MCF2L2: variants seen among roughly 807,000 people sequenced by gnomAD.
MCF2L2 encodes probable guanine nucleotide exchange factor MCF2L2.
MCF2L2 carries 102 observed loss-of-function variants against 150.2 expected under a neutral mutation model. The ratio of observed to expected loss-of-function variants is 0.68; its 90% CI spans 0.58 to 0.80. The LOEUF (loss-of-function observed/expected upper bound fraction) is 0.80. Among genes scored for constraint, MCF2L2 ranks in the 30% least tolerant of loss-of-function variants. MCF2L2 has a pLI of 0.00. For synonymous variants in MCF2L2, 465 were observed against 491.3 expected, an observed-to-expected ratio of 0.95 and a Z score of 0.71; for missense variants, 1,256 against 1,372.8, an observed-to-expected ratio of 0.91 and a Z score of 1.34.
chr3:183,398,670 C>T (rs1012552040), intron 1 of MCF2L2, among the ~76,000 whole-genome samples: 4 of 152,104 alleles, frequency 2.6e-5, no homozygotes, highest in Admixed American at 6.5e-5. Flanking sequence ...TCTTTATTAA[C>T]GCATATTCCA....
intron 2 of MCF2L2, among the ~76,000 whole-genome samples, chr3:183,386,042 C>G (rs953928084): frequency 6.6e-6 from 1 of 152,174 alleles, no homozygotes; most frequent in African/African-American, 2.4e-5. Flanking sequence ...GATCCAATAC[C>G]AAGAGTTTCT....
intron 15 of MCF2L2, among the ~76,000 whole-genome samples, chr3:183,260,409 C>T (rs944284677): frequency 1.3e-5 from 2 of 152,124 alleles, no homozygotes; most frequent in Non-Finnish European, 2.9e-5. Flanking sequence ...CGTGTCAGCC[C>T]AAACAAGTGT....
chr3:183,243,751 A>G lies in MCF2L2; in HGVS notation c.1863-12734T>C, dbSNP rs562466144. On this transcript the variant is annotated intron_variant, in intron 15 of 29. Transcript: ENST00000328913. ...ATTTCTTTTGCATAAGTGTTTGAAC[A>G]GTTCGTGCCAAGGACTATCAGTGTT... Among the ~76,000 whole-genome samples, 10 of 152,334 alleles carry G rather than the reference A, an allele frequency of 6.6e-5. No homozygotes were observed. In the South Asian group the frequency reaches 2.1e-3, roughly 32 times the overall value.
intron 3 of MCF2L2, among the ~76,000 whole-genome samples, chr3:183,349,905 T>C (rs1398631716): frequency 6.6e-6 from 1 of 152,074 alleles, no homozygotes; most frequent in African/African-American, 2.4e-5. Context: ...CACGTAATCA[T>C]TGAAGGAAGT....
At chr3:183,223,323 A>C in intron 20 of MCF2L2, 23 bp downstream of exon 20, 1 of 1,581,244 alleles carries the variant, frequency 6.3e-7, no homozygotes, top group Non-Finnish European at 8.7e-7. Context: ...CACCAAGGAA[A>C]AGCACTGTCT....
rs765523814 is a variant in MCF2L2, at chr3:183,193,357, C to CTTTTT, written c.2919-266_2919-262dup. Among the ~76,000 whole-genome samples the CTTTTT allele has an allele frequency of 8.6e-5, 12 of 139,496 alleles. 1 individual carries two copies. Among genetic ancestry groups the CTTTTT allele is most frequent in the South Asian group, 4.4e-4 (2 of 4,520 alleles). The allele number at this position is 139,496 out of a possible 152,430, so 91.5% of individuals were successfully genotyped here. On this transcript the variant is annotated intron_variant, in intron 26 of 29. Transcript: ENST00000328913. ...TGCAAATCTTTTTTTCTTTTTCTTT[C>CTTTTT]TTTTTTTTTTTGAGACAGAGTCTCG...
intron 15 of MCF2L2, among the ~76,000 whole-genome samples, chr3:183,252,460 C>T (rs920984886): frequency 1.3e-5 from 2 of 152,182 alleles, no homozygotes; most frequent in Admixed American, 1.3e-4. Flanking sequence ...TTAAGGAAAG[C>T]AATTTAAAAA....
intron 18 of MCF2L2, chr3:183,224,402 G>A (rs1723269833): frequency 2.0e-6 from 1 of 506,532 alleles, no homozygotes. Context: ...ACATAGATAG[G>A]CACAGAGTGC....
Position 183,327,464 on chromosome 3 carries a change from A to G in MCF2L2, c.487-4113T>C, listed in dbSNP as rs886720981. 5.3e-5 allele frequency among the ~76,000 whole-genome samples: 8 copies of G among 152,356 alleles called. No homozygotes were observed. The East Asian group carries it at 1.5e-3, about 29-fold the overall frequency. Reference sequence around the variant, plus strand: ...GACGGCAAAAACTACAACCTGGCACACAGGCCATTGCAACATTCAACTGCC... The same window carrying G: ...GACGGCAAAAACTACAACCTGGCACGCAGGCCATTGCAACATTCAACTGCC... On this transcript the variant is annotated intron_variant, in intron 5 of 29. Transcript: ENST00000328913.
intron 14 of MCF2L2, chr3:183,287,710 G>A (rs1441106458): frequency 4.6e-5 from 7 of 152,282 alleles, no homozygotes; most frequent in East Asian, 3.9e-4. Flanking sequence ...CGGTGGCTAC[G>A]TCCTAATCTG....
intron 7 of MCF2L2, among the ~76,000 whole-genome samples, chr3:183,314,290 G>T (rs1469476574): frequency 6.6e-6 from 1 of 152,134 alleles, no homozygotes; most frequent in Non-Finnish European, 1.5e-5. Flanking sequence ...TGTTTCTGGG[G>T]AAGAGCCTTC....
intron 25 of MCF2L2, among the ~76,000 whole-genome samples, chr3:183,196,308 T>C (rs1722081556): frequency 2.0e-5 from 3 of 152,154 alleles, no homozygotes; most frequent in Non-Finnish European, 4.4e-5. Flanking sequence ...AAGGTCACTG[T>C]ATTCTTTGGC....
Position 183,362,010 on chromosome 3 carries a change from C to T in MCF2L2, c.275+17287G>A, listed in dbSNP as rs573294981. On this transcript the variant is annotated intron_variant, in intron 3 of 29. Coordinates refer to ENST00000328913, the MANE Select transcript of MCF2L2 (RefSeq NM_015078.4). The stretch of plus-strand genomic sequence containing the variant: ...ATATGTATGTGAAATATAAGTCAAT[C>T]GTGTGCTTAGACTTGGGTCCCATCC... Among the ~76,000 whole-genome samples the T allele has an allele frequency of 1.4e-4, 22 of 152,252 alleles. No homozygotes were observed. In the South Asian group the frequency reaches 4.4e-3, roughly 30 times the overall value.
chr3:183,392,834 G>A (rs1318838205), intron 1 of MCF2L2, among the ~76,000 whole-genome samples: 1 of 152,172 alleles, frequency 6.6e-6, no homozygotes, highest in East Asian at 1.9e-4. Context: ...CCCTGCGGCT[G>A]GCAGGCCCTG....
intron 5 of MCF2L2, 122 bp from the exon 6 acceptor site, chr3:183,323,473 T>A (rs1729899391): frequency 2.5e-6 from 1 of 398,350 alleles, no homozygotes; most frequent in South Asian, 6.3e-5. Flanking sequence ...ATACTCCAAC[T>A]TTGCTTTATC....
In MCF2L2 at chr3:183,311,545, C is replaced by T. The variant is rs1729378298; in HGVS notation, c.878+103G>A. ...CAAATATTCTTCTTCCTTGGCCCCA[C>T]CAAGACCCAATATTGGCTGTTCCAA... On this transcript the variant is annotated intron_variant, in intron 8 of 29. Transcript: ENST00000328913. 1.0e-5 allele frequency: 14 copies of T among 1,352,538 alleles called. No individual in the cohort carries two copies. The East Asian group carries it at 3.3e-4, about 32-fold the overall frequency. The allele number at this position is 1,352,538 out of a possible 1,614,324, so 83.8% of individuals were successfully genotyped here. A position where few individuals can be genotyped will look rare whatever the true frequency, so the allele number is the denominator to read the frequency against.
intron 15 of MCF2L2, among the ~76,000 whole-genome samples, chr3:183,259,120 A>G (rs902247940): frequency 3.3e-5 from 5 of 152,236 alleles, no homozygotes; most frequent in African/African-American, 9.6e-5. Context: ...TGGGTTTCTA[A>G]TAACAGATTT....
intron 15 of MCF2L2, among the ~76,000 whole-genome samples, chr3:183,248,248 T>A (rs1332829208): frequency 6.6e-6 from 1 of 152,178 alleles, no homozygotes; most frequent in Non-Finnish European, 1.5e-5. Context: ...GCTTTACAAC[T>A]TTGGACCATC....
intron 22 of MCF2L2, among the ~76,000 whole-genome samples, chr3:183,210,097 C>A (rs776677873): frequency 6.6e-6 from 1 of 151,960 alleles, no homozygotes; most frequent in Admixed American, 6.6e-5. Context: ...AGAAAATAAC[C>A]GAGGGAATTA....
Sources: allele counts gnomAD v4.1 joint callset (sites outside exome capture counted in the v4.1 genomes callset), GRCh38; gene constraint gnomAD v4.1.1; transcripts MANE v1.5; gene names NCBI Gene and HGNC (gene_info 2026-07-23, HGNC 2026-07-21).